The following EPB41L2 variants were observed in gnomAD, a reference collection of about 807,000 sequenced individuals.
The protein encoded by EPB41L2 is band 4.1-like protein 2.
A neutral mutation model predicts 113.0 loss-of-function variants in EPB41L2; 43 were observed. That is an observed-to-expected ratio of 0.38 (90% CI 0.30 to 0.49). EPB41L2 has a LOEUF of 0.49. EPB41L2 is among the 20% of genes least tolerant of loss of function. The pLI, the probability that EPB41L2 is intolerant of heterozygous loss-of-function variation, is 0.95. For missense variants in EPB41L2, 1,147 were observed against 1,223.4 expected, an observed-to-expected ratio of 0.94 and a Z score of 0.93; for synonymous variants, 442 against 436.7, an observed-to-expected ratio of 1.01 and a Z score of -0.15.
intron 4 of EPB41L2, among the ~76,000 whole-genome samples, chr6:130,925,138 T>G (rs1804212535): frequency 6.6e-6 from 1 of 151,782 alleles, no homozygotes; most frequent in African/African-American, 2.4e-5. Context: ...TACTACTAAA[T>G]ACTACCTTTT....
chr6:130,869,486 A>G (rs79066130), intron 15 of EPB41L2, 77 bp downstream of exon 15: 1 of 1,292,170 alleles, frequency 7.7e-7, no homozygotes, highest in Non-Finnish European at 1.1e-6. Context: ...AACTGGGAGG[A>G]CAGGAGAAGA....
intron 13 of EPB41L2, among the ~76,000 whole-genome samples, chr6:130,879,031 G>T (rs988871438): frequency 6.6e-6 from 1 of 152,160 alleles, no homozygotes; most frequent in African/African-American, 2.4e-5. Flanking sequence ...AGCAGGCCCT[G>T]ATAAATGGTA....
intron 6 of EPB41L2, among the ~76,000 whole-genome samples, chr6:130,904,112 G>C (rs956861215): frequency 6.6e-6 from 1 of 152,034 alleles, no homozygotes; most frequent in Non-Finnish European, 1.5e-5. Flanking sequence ...TATGAGACTA[G>C]TATATAAGCA....
At chr6:130,916,042 A>G (rs1800948919) in intron 4 of EPB41L2, among the ~76,000 whole-genome samples, 1 of 152,194 alleles carries the variant, frequency 6.6e-6, no homozygotes, top group Non-Finnish European at 1.5e-5. Context: ...TTATTTAGTT[A>G]TTGGCTTTCT....
intron 1 of EPB41L2, among the ~76,000 whole-genome samples, chr6:131,037,780 G>A (rs1167614807): frequency 6.6e-6 from 1 of 151,714 alleles, no homozygotes; most frequent in Non-Finnish European, 1.5e-5. Context: ...GTAGTGACAG[G>A]GTTTCACCAT....
At chr6:130,945,967 A>G (rs986087661) in intron 3 of EPB41L2, among the ~76,000 whole-genome samples, 2 of 152,190 alleles carry the variant, frequency 1.3e-5, no homozygotes, top group African/African-American at 4.8e-5. Flanking sequence ...ATTCTCTACA[A>G]TTTAACTCTG....
At chr6:130,899,635 A>G in intron 7 of EPB41L2, 57 bp from the exon 8 acceptor site, 3 of 1,490,398 alleles carry the variant, frequency 2.0e-6, no homozygotes, top group Non-Finnish European at 2.8e-6. Flanking sequence ...AAATGTAGTC[A>G]GAATGGGAGG....
At chr6:131,030,414 A>T (rs539724069) in intron 1 of EPB41L2, among the ~76,000 whole-genome samples, 19 of 152,364 alleles carry the variant, frequency 1.2e-4, no homozygotes, top group Admixed American at 5.9e-4. Context: ...CCTGGCTAAA[A>T]GACTCATATA....
chr6:130,948,688 C>CA (rs903412272), intron 3 of EPB41L2, among the ~76,000 whole-genome samples: 7 of 149,656 alleles, frequency 4.7e-5, no homozygotes, highest in African/African-American at 7.4e-5. Flanking sequence ...TGTTTAAACG[C>CA]AAAAAAAAGG....
rs998497263 is a variant in EPB41L2 at position 130,944,062 on chromosome 6, T to C, written c.705+11043A>G. ...ACAATAAGCCTTTGAAGTATTTATATAACAAGTCGGTCTGCTGTTTCCAAG... is the reference window on the plus strand; with the variant it reads ...ACAATAAGCCTTTGAAGTATTTATACAACAAGTCGGTCTGCTGTTTCCAAG... On this transcript the variant is annotated intron_variant, in intron 3 of 19. Transcript: ENST00000337057. Among the ~76,000 whole-genome samples, 9 of 152,088 alleles carry C rather than the reference T, an allele frequency of 5.9e-5. No individual in the cohort carries two copies. In the East Asian group the frequency reaches 1.7e-3, roughly 29 times the overall value.
At position 130,839,866 on chromosome 6, in the gene EPB41L2, T is replaced by C. The variant is rs565233026; in HGVS notation, c.*738A>G. On this transcript the variant is annotated 3_prime_UTR_variant, in exon 20 of 20. Coordinates refer to ENST00000337057, the MANE Select transcript of EPB41L2 (RefSeq NM_001431.4). ...CCGAAGGGCATGTGTCTGACAAGCA[T>C]TGGCACTGTGGTGCGGCAGGGTCTC... The C allele has an allele frequency of 3.3e-5, 5 of 152,248 alleles. No homozygotes were observed. Among genetic ancestry groups the C allele is most frequent in the Non-Finnish European group, 5.9e-5 (4 of 68,050 alleles). The allele number at this position is 152,248 out of a possible 1,614,324, so 9.4% of individuals were successfully genotyped here.
intron 4 of EPB41L2, among the ~76,000 whole-genome samples, chr6:130,914,339 A>C (rs1047345427): frequency 6.6e-6 from 1 of 152,220 alleles, no homozygotes; most frequent in Non-Finnish European, 1.5e-5. Context: ...TGTTATATAC[A>C]TTAAAGAATT....
chr6:131,032,841 T>C (rs1792475176), intron 1 of EPB41L2, among the ~76,000 whole-genome samples: 2 of 152,056 alleles, frequency 1.3e-5, no homozygotes, highest in South Asian at 4.1e-4. Context: ...AATCAAAGAC[T>C]AACAATAACA....
intron 10 of EPB41L2, among the ~76,000 whole-genome samples, chr6:130,891,305 A>T (rs1038933671): frequency 6.6e-6 from 1 of 152,056 alleles, no homozygotes; most frequent in African/African-American, 2.4e-5. Context: ...CTTTCTGTAC[A>T]ATTTTTTTAG....
chr6:130,893,402 A>G (rs1793593393), intron 10 of EPB41L2, among the ~76,000 whole-genome samples: 2 of 152,190 alleles, frequency 1.3e-5, no homozygotes, highest in African/African-American at 2.4e-5. Context: ...GGGAAGGTGC[A>G]TGAAACCAAG....
intron 1 of EPB41L2, among the ~76,000 whole-genome samples, chr6:130,964,546 T>C (rs1235966031): frequency 2.0e-5 from 3 of 151,404 alleles, no homozygotes; most frequent in Non-Finnish European, 4.4e-5. Flanking sequence ...AGCATTAGAT[T>C]AGATGCTATA....
intron 3 of EPB41L2, among the ~76,000 whole-genome samples, chr6:130,946,672 T>C (rs1239221212): frequency 2.0e-5 from 3 of 151,992 alleles, no homozygotes; most frequent in African/African-American, 4.8e-5. Context: ...CATGGGGATA[T>C]AGACACATAA....
In EPB41L2 at chr6:131,026,718, T is replaced by G. The variant is rs17059974; in HGVS notation, c.-15+36437A>C. On this transcript the variant is annotated intron_variant, in intron 1 of 19. Transcript: ENST00000337057. ...TGCAAATGCTATTCATTTGTTTCAA[T>G]GCTACTTTCACCATACCACACCTTA... Among the ~76,000 whole-genome samples the G allele has an allele frequency of 0.02, 3,091 of 152,282 alleles. 199 individuals are homozygous for G. The East Asian group carries it at 0.27, about 13-fold the overall frequency.
intron 1 of EPB41L2, among the ~76,000 whole-genome samples, chr6:130,960,496 C>T (rs1773208793): frequency 2.0e-5 from 3 of 152,114 alleles, no homozygotes; most frequent in Non-Finnish European, 4.4e-5. Flanking sequence ...TTAAGCCTCA[C>T]GAAGTCATCC....
Sources: allele counts gnomAD v4.1 joint callset (sites outside exome capture counted in the v4.1 genomes callset), GRCh38; gene constraint gnomAD v4.1.1; transcripts MANE v1.5; gene names NCBI Gene and HGNC (gene_info 2026-07-23, HGNC 2026-07-21).